Variants in PDE10A observed in about 807,000 individuals in gnomAD.
PDE10A encodes the protein cAMP and cAMP-inhibited cGMP 3',5'-cyclic phosphodiesterase 10A.
PDE10A carries 39 observed loss-of-function variants against 97.7 expected under a neutral mutation model. That is an observed-to-expected ratio of 0.40 (90% CI 0.31 to 0.52). The LOEUF (loss-of-function observed/expected upper bound fraction) is 0.52. Ranked by LOEUF, PDE10A falls within the 20% of genes least tolerant of loss-of-function variation. The pLI is 0.56. For missense variants in PDE10A, 731 were observed against 1,047.8 expected, an observed-to-expected ratio of 0.70 and a Z score of 4.17; for synonymous variants, 371 against 376.8, an observed-to-expected ratio of 0.98 and a Z score of 0.18.
chr6:165,586,333 TAA>T (rs1302170583), intron 1 of PDE10A, among the ~76,000 whole-genome samples: 24 of 152,330 alleles, frequency 1.6e-4, no homozygotes, highest in African/African-American at 3.4e-4. Flanking sequence ...ATGTTTCCAT[TAA>T]GTTACTGCAC....
chr6:165,840,139 C>G (rs1029105092), intron 1 of PDE10A, among the ~76,000 whole-genome samples: 15 of 148,040 alleles, frequency 1.0e-4, no homozygotes, highest in Admixed American at 8.8e-4. Context: ...TATCCCCATG[C>G]TCATCTCAAT....
intron 18 of PDE10A, among the ~76,000 whole-genome samples, chr6:165,374,498 A>G (rs1583147900): frequency 6.6e-6 from 1 of 152,104 alleles, no homozygotes; most frequent in Non-Finnish European, 1.5e-5. Context: ...AAGTATAAGC[A>G]AAATTTATGA....
chr6:165,454,167 C>G (rs764742912), intron 3 of PDE10A, among the ~76,000 whole-genome samples: 1 of 152,192 alleles, frequency 6.6e-6, no homozygotes, highest in Non-Finnish European at 1.5e-5. Flanking sequence ...TATGCCTCTT[C>G]TACCACTGAA....
chr6:165,731,520 G>T (rs1792436970), intron 1 of PDE10A, among the ~76,000 whole-genome samples: 1 of 152,230 alleles, frequency 6.6e-6, no homozygotes, highest in Admixed American at 6.5e-5. Context: ...TGCGGCTGGA[G>T]CAGAATAGAA....
intron 1 of PDE10A, among the ~76,000 whole-genome samples, chr6:165,592,267 G>A (rs1357879723): frequency 6.6e-6 from 1 of 152,102 alleles, no homozygotes; most frequent in Non-Finnish European, 1.5e-5. Flanking sequence ...GCAGAAAACT[G>A]AGACTTTCCT....
upstream of PDE10A, among the ~76,000 whole-genome samples, chr6:165,664,219 G>A (rs1219450913): frequency 1.3e-5 from 2 of 152,052 alleles, no homozygotes; most frequent in African/African-American, 2.4e-5. Context: ...AGGGCCCTGG[G>A]CTCCCGGTGT....
intron 2 of PDE10A, among the ~76,000 whole-genome samples, chr6:165,494,718 T>G (rs984221379): frequency 1.8e-4 from 28 of 152,250 alleles, no homozygotes; most frequent in African/African-American, 6.7e-4. Context: ...TTTAATTGAC[T>G]GATAATTTCC....
At chr6:165,480,867 G>GT (rs1779568242) in intron 3 of PDE10A, among the ~76,000 whole-genome samples, 2 of 152,054 alleles carry the variant, frequency 1.3e-5, no homozygotes, top group Non-Finnish European at 2.9e-5. Context: ...TACGGGGTAC[G>GT]TTTTTTCAAA....
chr6:165,608,121 T>G (rs1434801530), intron 1 of PDE10A, among the ~76,000 whole-genome samples: 1 of 149,438 alleles, frequency 6.7e-6, no homozygotes, highest in Non-Finnish European at 1.5e-5. Flanking sequence ...TATATATATA[T>G]TTTATTATAC....
intron 1 of PDE10A, among the ~76,000 whole-genome samples, chr6:165,675,504 T>C (rs1265455513): frequency 2.6e-5 from 4 of 152,224 alleles, no homozygotes; most frequent in Non-Finnish European, 5.9e-5. Context: ...TGTTCTATAT[T>C]TAAAGTAAGA....
chr6:165,690,910 C>A (rs1485443770), intron 1 of PDE10A, among the ~76,000 whole-genome samples: 2 of 152,184 alleles, frequency 1.3e-5, no homozygotes, highest in Admixed American at 6.5e-5. Flanking sequence ...TGGTTGGCAT[C>A]CCTGGTGGGG....
At chr6:165,709,929 T>C (rs1791852808) in intron 1 of PDE10A, among the ~76,000 whole-genome samples, 1 of 151,776 alleles carries the variant, frequency 6.6e-6, no homozygotes, top group South Asian at 2.1e-4. Context: ...ACCTATCACC[T>C]CTAAGGACTG....
chr6:165,456,362 A>T (rs1288565302), intron 3 of PDE10A, among the ~76,000 whole-genome samples: 2 of 152,194 alleles, frequency 1.3e-5, no homozygotes, highest in Admixed American at 1.3e-4. Context: ...TTCATTTTCC[A>T]CGTGGAAGAA....
chr6:165,685,025 T>G (rs112740913), intron 1 of PDE10A, among the ~76,000 whole-genome samples: 1 of 152,186 alleles, frequency 6.6e-6, no homozygotes, highest in Admixed American at 6.5e-5. Context: ...CTGAAATTAT[T>G]TTTTATTAGA....
intron 1 of PDE10A, among the ~76,000 whole-genome samples, chr6:165,913,069 G>A (rs1782505190): frequency 6.6e-6 from 1 of 152,118 alleles, no homozygotes; most frequent in Non-Finnish European, 1.5e-5. Context: ...TGATGGGTGT[G>A]CAAGATTATC....
chr6:165,519,591 C>T (rs898187883), intron 2 of PDE10A, among the ~76,000 whole-genome samples: 7 of 152,200 alleles, frequency 4.6e-5, no homozygotes, highest in African/African-American at 7.2e-5. Flanking sequence ...CTGCTCAATT[C>T]GTTTAACTAT....
chr6:165,851,854 G>C (rs887012863), intron 1 of PDE10A, among the ~76,000 whole-genome samples: 3 of 152,094 alleles, frequency 2.0e-5, no homozygotes, highest in African/African-American at 7.2e-5. Context: ...ACTTTGGGAG[G>C]CTGAGGTAGG....
chr6:165,552,005 A>G (rs1179077928), intron 1 of PDE10A, among the ~76,000 whole-genome samples: 1 of 151,762 alleles, frequency 6.6e-6, no homozygotes, highest in Non-Finnish European at 1.5e-5. Flanking sequence ...CTTCGCTGCT[A>G]TCTGCCCTCA....
chr6:165,479,867 G>A (rs1282460504), intron 3 of PDE10A, among the ~76,000 whole-genome samples: 1 of 152,102 alleles, frequency 6.6e-6, no homozygotes, highest in Non-Finnish European at 1.5e-5. Flanking sequence ...AAAACCTACA[G>A]GTCTGACTTC....
Sources: allele counts gnomAD v4.1 joint callset (sites outside exome capture counted in the v4.1 genomes callset), GRCh38; gene constraint gnomAD v4.1.1; transcripts MANE v1.5; gene names NCBI Gene and HGNC (gene_info 2026-07-23, HGNC 2026-07-21).